Variants in COL4A4 observed in about 807,000 individuals in gnomAD.
COL4A4 encodes the protein collagen alpha-4(IV) chain.
Under a neutral mutation model 192.9 loss-of-function variants are expected in COL4A4, and 105 were observed. The observed-to-expected ratio is 0.54, with a 90% CI of 0.46 to 0.64. The LOEUF is 0.64. Among genes scored for constraint, COL4A4 ranks in the 30% least tolerant of loss-of-function variants. The pLI, the probability that COL4A4 is intolerant of heterozygous loss-of-function variation, is 0.00. For synonymous variants in COL4A4, 762 were observed against 769.9 expected (o/e 0.99, Z 0.17); for missense variants, 1,967 against 2,169.3 (o/e 0.91, Z 1.85).
rs1962568940 is a variant in COL4A4 at position 227,008,082 on chromosome 2, T to G, written c.4745A>C (p.Asp1582Ala). The G allele has an allele frequency of 6.2e-7, 1 of 1,614,126 alleles. No individual in the cohort carries two copies. Among genetic ancestry groups the G allele is most frequent in the East Asian group, 2.2e-5 (1 of 44,882 alleles). The change falls in exon 47 of 48, where the codon GAC becomes GCC. Residue 1582 changes from aspartate to alanine, a missense_variant. By Grantham distance (126) the Asp-to-Ala change is moderately radical. Transcript: ENST00000396625. ...CTGCGGACATGGGGGGATGGACTGG[T>G]CCTGGCTGTGCACCGCCACCGCCTG... Reference protein sequence around the residue: ...PAQAVAVHSQDQSIPPCPQTW... With the variant: ...PAQAVAVHSQAQSIPPCPQTW...
At chr2:227,046,958 T>C (rs1973011996) in intron 35 of COL4A4, among the ~76,000 whole-genome samples, 1 of 152,058 alleles carries the variant, frequency 6.6e-6, no homozygotes, top group Non-Finnish European at 1.5e-5. Context: ...ATGAGGTTTA[T>C]GTTTGCTTGA....
the COL4A4 span, among the ~76,000 whole-genome samples, chr2:226,977,516 T>C: frequency 6.6e-6 from 1 of 152,216 alleles, no homozygotes; most frequent in African/African-American, 2.4e-5. Context: ...GCAATTACAA[T>C]GCAGTGCATT....
At chr2:227,053,479 T>C (rs546624182) in intron 31 of COL4A4, among the ~76,000 whole-genome samples, 2 of 151,752 alleles carry the variant, frequency 1.3e-5, no homozygotes, top group East Asian at 3.9e-4. Context: ...GATGGGGACA[T>C]AATATTTAAA....
chr2:227,100,930 A>G (rs1303350943), intron 17 of COL4A4, among the ~76,000 whole-genome samples: 2 of 151,394 alleles, frequency 1.3e-5, no homozygotes, highest in East Asian at 3.9e-4. Flanking sequence ...TCAGCCTCCC[A>G]AGTAGCTGGG....
chr2:227,087,887 C>T (rs1197556003), intron 22 of COL4A4, among the ~76,000 whole-genome samples: 1 of 152,222 alleles, frequency 6.6e-6, no homozygotes, highest in Non-Finnish European at 1.5e-5. Context: ...TCATTTCCTG[C>T]TCTGCCCCTC....
intron 44 of COL4A4, among the ~76,000 whole-genome samples, chr2:227,016,495 G>C (rs112769366): frequency 2.0e-5 from 3 of 152,156 alleles, no homozygotes; most frequent in Admixed American, 6.5e-5. Flanking sequence ...ATTCATTTAC[G>C]TGTTATCTAC....
chr2:227,038,033 T>G (rs192258070), intron 37 of COL4A4, among the ~76,000 whole-genome samples: 36 of 152,342 alleles, frequency 2.4e-4, no homozygotes, highest in African/African-American at 5.1e-4. Flanking sequence ...TTCACTCTGA[T>G]GATAGTTTCT....
intron 33 of COL4A4, 32 bp downstream of exon 33, chr2:227,050,945 G>A: frequency 1.2e-6 from 2 of 1,613,516 alleles, no homozygotes; most frequent in Non-Finnish European, 1.7e-6. Flanking sequence ...AGGTTTTATT[G>A]TCTCTTCCCC....
At chr2:226,990,207 T>C in the COL4A4 span, among the ~76,000 whole-genome samples, 1 of 152,216 alleles carries the variant, frequency 6.6e-6, no homozygotes, top group South Asian at 2.1e-4. Context: ...CCTTCAGGCC[T>C]TTTTGGTCTT....
At chr2:227,072,496 T>A (rs142620584) in intron 25 of COL4A4, among the ~76,000 whole-genome samples, 162 of 152,000 alleles carry the variant, frequency 1.1e-3, no homozygotes, top group African/African-American at 3.7e-3. Flanking sequence ...TTGGTACAAA[T>A]CCTACTGAAA....
chr2:227,119,531 T>C (rs1198644963), intron 6 of COL4A4, among the ~76,000 whole-genome samples: 1 of 148,602 alleles, frequency 6.7e-6, no homozygotes, highest in Non-Finnish European at 1.5e-5. Flanking sequence ...ATGTAAAATA[T>C]AAGATACATA....
chr2:226,989,382 G>T, the COL4A4 span, among the ~76,000 whole-genome samples: 3 of 152,164 alleles, frequency 2.0e-5, no homozygotes, highest in African/African-American at 7.2e-5. Flanking sequence ...GTTGGGTAAC[G>T]GGGTATAGTA....
At chr2:227,017,498 G>T (rs1424517634) in intron 44 of COL4A4, among the ~76,000 whole-genome samples, 1 of 152,240 alleles carries the variant, frequency 6.6e-6, no homozygotes, top group South Asian at 2.1e-4. Flanking sequence ...CCCTAACAGG[G>T]TGTGGGTACA....
intron 44 of COL4A4, among the ~76,000 whole-genome samples, chr2:227,014,568 G>A (rs1964479021): frequency 6.6e-6 from 1 of 152,202 alleles, no homozygotes; most frequent in Non-Finnish European, 1.5e-5. Context: ...TGTTCTAAGT[G>A]CTTTTTATGT....
In COL4A4 at chr2:227,046,913, A is replaced by T. The variant is rs115175174; in HGVS notation, c.3289+562T>A. 9.4e-3 allele frequency among the ~76,000 whole-genome samples: 1,426 copies of T among 152,174 alleles called. 36 individuals are homozygous for T. The highest frequency in any genetic ancestry group is 0.032 in the African/African-American group (1,344 of 41,432). On this transcript the variant is annotated intron_variant, in intron 35 of 47. Transcript: ENST00000396625. ...TGTTAAATTATTATTGAGAAGCAAA[A>T]TACTGTTTAAAATGACTTAGATTTC...
chr2:227,000,348 C>T (rs1247666032), downstream of COL4A4, among the ~76,000 whole-genome samples: 2 of 152,188 alleles, frequency 1.3e-5, no homozygotes, highest in Non-Finnish European at 2.9e-5. Flanking sequence ...TTTCAGTGCG[C>T]ACAAGTGCAT....
At position 227,060,240 on chromosome 2, in the gene COL4A4, G is replaced by T; in HGVS notation, c.2060C>A (p.Pro687Gln). The T allele has an allele frequency of 6.2e-7, 1 of 1,608,024 alleles. No homozygotes were observed. The highest frequency in any genetic ancestry group is 8.5e-7 in the Non-Finnish European group (1 of 1,175,714). ...GPPGFDGPPG[P>Q]KGFPGPQGAP... ...ACCTTGGGGACCTGGAAATCCCTTCGGACCTAAACAATAATAAAAACAAAA... is the reference window on the plus strand; with the variant it reads ...ACCTTGGGGACCTGGAAATCCCTTCTGACCTAAACAATAATAAAAACAAAA... The change falls in exon 27 of 48, where the codon CCG becomes CAG. Residue 687 changes from proline to glutamine, a missense_variant. Pro to Gln is a moderately conservative substitution (Grantham distance 76). Coordinates refer to ENST00000396625, the MANE Select transcript of COL4A4 (RefSeq NM_000092.5).
Position 227,041,713 on chromosome 2 carries a change from AAGGGAGG to A in COL4A4, c.3505+428_3505+434del, listed in dbSNP as rs1349692393. Among the ~76,000 whole-genome samples the A allele has an allele frequency of 4.3e-3, 517 of 121,332 alleles. 18 individuals are homozygous for A. The highest frequency in any genetic ancestry group is 0.017 in the African/African-American group (484 of 27,804). 79.6% of individuals were successfully genotyped at this position (121,332 alleles called of 152,430 possible). On this transcript the variant is annotated intron_variant, in intron 37 of 47. Coordinates refer to ENST00000396625, the MANE Select transcript of COL4A4 (RefSeq NM_000092.5). ...CAGAGAGAGAGAGAGAGAAGGAAGG[AAGGGAGG>A]AGGAAGGAAGGAAGGAAGGAAGGAA...
intron 1 of COL4A4, among the ~76,000 whole-genome samples, chr2:227,163,749 T>C (rs1576989577): frequency 6.6e-6 from 1 of 152,222 alleles, no homozygotes; most frequent in Non-Finnish European, 1.5e-5. Flanking sequence ...CAGCTGCCTC[T>C]TTCTCTTGGC....
Sources: gnomAD v4.1 joint callset for allele counts (sites outside exome capture counted in the v4.1 genomes callset) on GRCh38, gnomAD v4.1.1 for gene constraint, MANE v1.5 for transcripts, NCBI Gene and HGNC (gene_info 2026-07-23, HGNC 2026-07-21) for gene names.